The following C1orf159 variants were observed in gnomAD, a reference collection of about 807,000 sequenced individuals.
The protein encoded by C1orf159 is uncharacterized protein C1orf159.
In C1orf159, 19 loss-of-function variants were observed where a neutral mutation model predicts 25.6. The ratio of observed to expected loss-of-function variants is 0.74; its 90% CI spans 0.52 to 1.09. C1orf159 has a LOEUF of 1.09. Among genes scored for constraint, C1orf159 ranks in the 50% least tolerant of loss-of-function variants. The pLI, the probability that C1orf159 is intolerant of heterozygous loss-of-function variation, is 0.00. For synonymous variants in C1orf159, 139 were observed against 124.7 expected (o/e 1.12, Z -0.77); for missense variants, 274 against 290.6 (o/e 0.94, Z 0.42).
chr1:1,090,529 G>T, intron 3 of C1orf159, 101 bp from the exon 4 acceptor site: 1 of 1,228,024 alleles, frequency 8.1e-7, no homozygotes, highest in South Asian at 1.3e-5. Context: ...ACATCTCAAT[G>T]TCCGCAGCTC....
chr1:1,112,993 C>T (rs1557439407), intron 1 of C1orf159, among the ~76,000 whole-genome samples: 1 of 152,080 alleles, frequency 6.6e-6, no homozygotes, highest in Non-Finnish European at 1.5e-5. Context: ...GTTGGGAGTT[C>T]GAGACCAGCC....
At chr1:1,100,004 C>T (rs1189475219) in intron 1 of C1orf159, among the ~76,000 whole-genome samples, 1 of 152,214 alleles carries the variant, frequency 6.6e-6, no homozygotes, top group Non-Finnish European at 1.5e-5. Flanking sequence ...CTAATCCCAG[C>T]TATTCTGGAG....
rs544708531 is a variant in C1orf159 at position 1,115,869 on chromosome 1, A to C, written c.-136+191T>G. ...GGCTCGTTGGGAGGCGGCGACGAGG[A>C]CGCGGGCCCAGGCGCTGGCGGCTCC... is the stretch of plus-strand genomic sequence containing the variant. On this transcript the variant is annotated intron_variant, in intron 1 of 9. Coordinates refer to ENST00000421241, the MANE Select transcript of C1orf159 (RefSeq NM_017891.5). 4.4e-3 allele frequency among the ~76,000 whole-genome samples: 641 copies of C among 147,208 alleles called. 4 individuals are homozygous for C. The highest frequency in any genetic ancestry group is 0.016 in the African/African-American group (615 of 39,384).
At chr1:1,085,165 A>G in intron 7 of C1orf159, 2 of 319,572 alleles carry the variant, frequency 6.3e-6, no homozygotes, top group East Asian at 1.0e-4. Context: ...GGGGATGGAC[A>G]GGGGTCTCAC....
chr1:1,086,167 C>T (rs1645827965), intron 6 of C1orf159, among the ~76,000 whole-genome samples, 155 bp from the exon 7 acceptor site: 2 of 152,240 alleles, frequency 1.3e-5, no homozygotes, highest in African/African-American at 2.4e-5. Context: ...TGCACATGGG[C>T]CTGGGTCATC....
At chr1:1,113,261 T>G (rs1166593626) in intron 1 of C1orf159, among the ~76,000 whole-genome samples, 1 of 152,044 alleles carries the variant, frequency 6.6e-6, no homozygotes, top group African/African-American at 2.4e-5. Context: ...AAATTCTTTC[T>G]TCTGAGGCAG....
intron 1 of C1orf159, among the ~76,000 whole-genome samples, chr1:1,093,419 A>G (rs921124549): frequency 3.3e-5 from 5 of 152,238 alleles, no homozygotes; most frequent in African/African-American, 1.2e-4. Context: ...TAAAGTACAC[A>G]AGCGGGTGAG....
rs1645751168 is a variant in C1orf159, at chr1:1,082,084, G to A, written c.*809C>T. The A allele has an allele frequency of 6.6e-6, 1 of 152,420 alleles. No individual in the cohort carries two copies. Among genetic ancestry groups the A allele is most frequent in the Non-Finnish European group, 1.5e-5 (1 of 68,096 alleles). 9.4% of individuals were successfully genotyped at this position (152,420 alleles called of 1,614,324 possible). A position where few individuals can be genotyped will look rare whatever the true frequency, so the allele number is the denominator to read the frequency against. On this transcript the variant is annotated 3_prime_UTR_variant, in exon 10 of 10. Transcript: ENST00000421241. Reference sequence around the variant, plus strand: ...GCCTTTCTCCCAGGAACTCCGGGAGGGACCCCAGGACTCAGCGCCAGGGCA... The same window carrying A: ...GCCTTTCTCCCAGGAACTCCGGGAGAGACCCCAGGACTCAGCGCCAGGGCA...
In C1orf159 at chr1:1,087,928, G is replaced by A. The variant is rs370375572; in HGVS notation, c.149-331C>T. Among the ~76,000 whole-genome samples the A allele has an allele frequency of 1.3e-4, 19 of 149,060 alleles. No individual in the cohort carries two copies. Among genetic ancestry groups the A allele is most frequent in the South Asian group, 6.5e-4 (3 of 4,600 alleles). ...AGCACCCCAGCCCCGAGTACTCCAC[G>A]CTGCACTCCACGCCGAGCACCCCGG... On this transcript the variant is annotated intron_variant, in intron 4 of 9. Transcript: ENST00000421241. This position sits in a 1 kb window ranked among gnomAD's most constrained non-coding sequence, Gnocchi z 8.3.
At chr1:1,112,087 C>G (rs751873163) in intron 1 of C1orf159, among the ~76,000 whole-genome samples, 15 of 152,158 alleles carry the variant, frequency 9.9e-5, no homozygotes, top group Non-Finnish European at 1.6e-4. Flanking sequence ...TCGGGCCCAT[C>G]CCCCCACCGG....
At chr1:1,091,665 T>G (rs1253201413) in intron 2 of C1orf159, 100 bp from the exon 3 acceptor site, 13 of 437,100 alleles carry the variant, frequency 3.0e-5, no homozygotes, top group Admixed American at 9.6e-5. Flanking sequence ...GTTGGGGGGG[T>G]GCGGGCCAAG....
At position 1,082,512 on chromosome 1, in the gene C1orf159, G is replaced by T; in HGVS notation, c.*381C>A. 3.5e-6 allele frequency: 1 copy of T among 289,568 alleles called. No homozygotes were observed. The highest frequency in any genetic ancestry group is 6.7e-6 in the Non-Finnish European group (1 of 149,714). The allele number at this position is 289,568 out of a possible 1,614,324, so 17.9% of individuals were successfully genotyped here. A position where few individuals can be genotyped will look rare whatever the true frequency, so the allele number is the denominator to read the frequency against. On this transcript the variant is annotated 3_prime_UTR_variant, in exon 10 of 10. Coordinates refer to ENST00000421241, the MANE Select transcript of C1orf159 (RefSeq NM_017891.5). ...AGTCCTGCCCGCTGTGGGCTCTGGAGGGCACGGCAGCAGAGCCCCTGGCTT... is the reference window on the plus strand; with the variant it reads ...AGTCCTGCCCGCTGTGGGCTCTGGATGGCACGGCAGCAGAGCCCCTGGCTT...
intron 1 of C1orf159, among the ~76,000 whole-genome samples, chr1:1,114,369 A>C (rs1646305140): frequency 1.3e-5 from 2 of 152,140 alleles, no homozygotes; most frequent in South Asian, 4.1e-4. Context: ...TATAGAGACG[A>C]GGTCTCCCTA....
chr1:1,090,496 C>T (rs1264012754), intron 3 of C1orf159, 68 bp from the exon 4 acceptor site: 78 of 1,480,354 alleles, frequency 5.3e-5, no homozygotes, highest in African/African-American at 7.0e-5. Context: ...AGAGCAGCAG[C>T]GGCTGAGGGG....
chr1:1,101,939 G>A (rs1430327360), intron 1 of C1orf159, among the ~76,000 whole-genome samples: 2 of 151,646 alleles, frequency 1.3e-5, no homozygotes, highest in African/African-American at 2.4e-5. Context: ...GGGCATGGTG[G>A]CACGGGCATA....
chr1:1,090,512 T>C (rs370717212), intron 3 of C1orf159, 84 bp from the exon 4 acceptor site: 1 of 1,361,654 alleles, frequency 7.3e-7, no homozygotes, highest in South Asian at 1.2e-5. Context: ...AGGGGTGCCG[T>C]GGGAGCACAT....
chr1:1,103,259 C>A (rs930783793), intron 1 of C1orf159, among the ~76,000 whole-genome samples: 1 of 152,228 alleles, frequency 6.6e-6, no homozygotes, highest in African/African-American at 2.4e-5. Context: ...TCACTGAGCA[C>A]AGACACTAAA....
rs1557749464 is a variant in C1orf159, at chr1:1,090,432, G to C, written c.73-4C>G. 4 of 1,550,456 alleles carry C rather than the reference G, an allele frequency of 2.6e-6. No homozygotes were observed. The highest frequency in any genetic ancestry group is 1.7e-6 in the Non-Finnish European group (2 of 1,146,912). On this transcript the variant is annotated splice_region_variant and splice_polypyrimidine_tract_variant and intron_variant, in intron 3 of 9. Transcript: ENST00000421241. ...CACAGCACTCGGGCAGCTGGGCCTG[G>C]AGGGGACACGGCAGTGAAACTCCAG...
At chr1:1,090,741 T>A in intron 3 of C1orf159, 2 of 829,578 alleles carry the variant, frequency 2.4e-6, no homozygotes, top group Non-Finnish European at 4.0e-6. Flanking sequence ...TCTCTGCAAG[T>A]CTCCGGAGGC....
Sources: allele counts gnomAD v4.1 joint callset (sites outside exome capture counted in the v4.1 genomes callset), GRCh38; gene constraint gnomAD v4.1.1; non-coding constraint Gnocchi (gnomAD v3.1); transcripts MANE v1.5; gene names NCBI Gene and HGNC (gene_info 2026-07-23, HGNC 2026-07-21).